The following ITGA8 variants were observed in gnomAD, a reference collection of about 807,000 sequenced individuals.
The protein encoded by ITGA8 is integrin subunit alpha 8.
A neutral mutation model predicts 142.3 loss-of-function variants in ITGA8; 91 were observed. The ratio of observed to expected loss-of-function variants is 0.64; its 90% CI spans 0.54 to 0.76. The LOEUF is 0.76. Among genes scored for constraint, ITGA8 ranks in the 30% least tolerant of loss-of-function variants. ITGA8 has a pLI of 0.00. For synonymous variants in ITGA8, 505 were observed against 485.2 expected (o/e 1.04, Z -0.54); for missense variants, 1,406 against 1,327.7 (o/e 1.06, Z -0.92).
intron 1 of ITGA8, 117 bp from the exon 2 acceptor site, chr10:15,719,016 A>G: frequency 1.4e-6 from 2 of 1,449,972 alleles, no homozygotes; most frequent in Middle Eastern, 2.4e-4. Context: ...GCATGAACGT[A>G]TTTATGATGA....
chr10:15,600,829 T>C (rs1357285667), intron 20 of ITGA8, among the ~76,000 whole-genome samples: 1 of 152,134 alleles, frequency 6.6e-6, no homozygotes, highest in Non-Finnish European at 1.5e-5. Context: ...CAGTCCACAA[T>C]CTCTCTAGTT....
At chr10:15,608,944 A>G (rs965672711) in intron 15 of ITGA8, among the ~76,000 whole-genome samples, 1 of 151,986 alleles carries the variant, frequency 6.6e-6, no homozygotes, top group Non-Finnish European at 1.5e-5. Flanking sequence ...GAGAAGAGGG[A>G]GGGGAGAAAG....
At chr10:15,632,999 T>C (rs943460268) in intron 13 of ITGA8, among the ~76,000 whole-genome samples, 7 of 152,228 alleles carry the variant, frequency 4.6e-5, no homozygotes, top group Non-Finnish European at 8.8e-5. Context: ...TGGGATACTT[T>C]AATGACTTTT....
At chr10:15,646,037 ATGTAT>A (rs1564389895) in intron 12 of ITGA8, among the ~76,000 whole-genome samples, 1 of 152,186 alleles carries the variant, frequency 6.6e-6, no homozygotes, top group Non-Finnish European at 1.5e-5. Context: ...ATATATCAAC[ATGTAT>A]TTATTTGTCT....
chr10:15,642,817 C>T (rs376897350), intron 13 of ITGA8, among the ~76,000 whole-genome samples: 1 of 152,034 alleles, frequency 6.6e-6, no homozygotes. Flanking sequence ...GAGAAGAAAG[C>T]CAAAGGCCTG....
At chr10:15,683,693 C>G (rs542425851) in intron 4 of ITGA8, among the ~76,000 whole-genome samples, 1 of 152,354 alleles carries the variant, frequency 6.6e-6, no homozygotes, top group Middle Eastern at 3.4e-3. Flanking sequence ...AGTCAGCATT[C>G]TTTAGGACAC....
chr10:15,665,829 A>G (rs1358943340), intron 8 of ITGA8, among the ~76,000 whole-genome samples: 1 of 152,044 alleles, frequency 6.6e-6, no homozygotes, highest in Non-Finnish European at 1.5e-5. Context: ...ATAGTTGTAG[A>G]TATGCGGCAT....
intron 27 of ITGA8, among the ~76,000 whole-genome samples, chr10:15,545,176 G>C (rs371755498): frequency 1.3e-5 from 2 of 152,174 alleles, no homozygotes; most frequent in Admixed American, 6.5e-5. Flanking sequence ...AGAACTCTTG[G>C]TTTCCTCTCC....
intron 8 of ITGA8, among the ~76,000 whole-genome samples, chr10:15,665,077 C>T (rs940212986): frequency 7.9e-5 from 12 of 152,062 alleles, no homozygotes; most frequent in East Asian, 3.9e-4. Context: ...TCTAGATCCC[C>T]GAGGAATCGC....
chr10:15,530,911 A>G (rs1833276934), intron 28 of ITGA8, 139 bp downstream of exon 28: 1 of 533,408 alleles, frequency 1.9e-6, no homozygotes, highest in South Asian at 3.1e-5. Flanking sequence ...TACCAGACCA[A>G]TGTAAGAAAT....
chr10:15,597,171 G>C (rs552548788), intron 21 of ITGA8, 36 bp downstream of exon 21: 2 of 1,516,162 alleles, frequency 1.3e-6, no homozygotes, highest in East Asian at 2.3e-5. Context: ...AGTCCAGTTA[G>C]AAGGAAATCA....
intron 13 of ITGA8, among the ~76,000 whole-genome samples, chr10:15,629,543 C>T (rs1466472998): frequency 6.6e-6 from 1 of 151,936 alleles, no homozygotes; most frequent in Non-Finnish European, 1.5e-5. Context: ...CAAAGGCAGG[C>T]ATGATTATTT....
chr10:15,646,308 A>G (rs1438030944), intron 12 of ITGA8, among the ~76,000 whole-genome samples: 2 of 152,212 alleles, frequency 1.3e-5, no homozygotes, highest in Admixed American at 6.5e-5. Context: ...AACATTTGAG[A>G]TGTTATTTTG....
At chr10:15,523,946 A>C (rs1330025563) in intron 28 of ITGA8, among the ~76,000 whole-genome samples, 1 of 152,058 alleles carries the variant, frequency 6.6e-6, no homozygotes, top group African/African-American at 2.4e-5. Context: ...AAAACAAAAC[A>C]AAAAAACAAA....
chr10:15,688,795 A>G (rs61843889), intron 2 of ITGA8, among the ~76,000 whole-genome samples: 1 of 152,200 alleles, frequency 6.6e-6, no homozygotes, highest in Non-Finnish European at 1.5e-5. Flanking sequence ...ACAAAATTCA[A>G]TTTACTTTCA....
At chr10:15,577,147 TTTTA>T (rs1165507626) in intron 23 of ITGA8, among the ~76,000 whole-genome samples, 1 of 152,094 alleles carries the variant, frequency 6.6e-6, no homozygotes, top group Admixed American at 6.6e-5. Flanking sequence ...CTAGGGAAAC[TTTTA>T]TTTATTTATT....
chr10:15,625,863 CTTT>C (rs1833572680), intron 13 of ITGA8, among the ~76,000 whole-genome samples: 1 of 152,162 alleles, frequency 6.6e-6, no homozygotes, highest in African/African-American at 2.4e-5. Flanking sequence ...AAATCATTTT[CTTT>C]TCTAGCAAAG....
intron 14 of ITGA8, among the ~76,000 whole-genome samples, chr10:15,615,548 C>G (rs1833375608): frequency 6.6e-6 from 1 of 152,208 alleles, no homozygotes; most frequent in South Asian, 2.1e-4. Context: ...GAGTCTCACT[C>G]TGTCTTCCAG....
chr10:15,602,491 G>T (rs752605293), intron 20 of ITGA8, among the ~76,000 whole-genome samples: 1 of 151,978 alleles, frequency 6.6e-6, no homozygotes, highest in African/African-American at 2.4e-5. Flanking sequence ...TAATATCAGC[G>T]CTTTGGAAGG....
Sources: allele counts gnomAD v4.1 joint callset (sites outside exome capture counted in the v4.1 genomes callset), GRCh38; gene constraint gnomAD v4.1.1; transcripts MANE v1.5; gene names NCBI Gene and HGNC (gene_info 2026-07-23, HGNC 2026-07-21).